PFKP: variants seen among roughly 807,000 people sequenced by gnomAD.
PFKP encodes phosphofructokinase, platelet, also known as ATP-dependent 6-phosphofructokinase, platelet type.
PFKP carries 101 observed loss-of-function variants against 94.3 expected under a neutral mutation model. The ratio of observed to expected loss-of-function variants is 1.07; its 90% confidence interval spans 0.91 to 1.26. PFKP has a LOEUF of 1.26. Among genes scored for constraint, PFKP ranks in the 50% most tolerant of loss-of-function variants. The pLI, the probability that PFKP is intolerant of heterozygous loss-of-function variation, is 0.00. For missense variants in PFKP, 1,145 were observed against 1,103.3 expected (o/e 1.04, Z -0.53); for synonymous variants, 573 against 432.6 (o/e 1.32, Z -4.03).
chr10:3,101,495 C>A lies in PFKP; in HGVS notation c.395C>A (p.Thr132Asn). The A allele has an allele frequency of 6.3e-7, 1 of 1,597,536 alleles. No homozygotes were observed. Among genetic ancestry groups the A allele is most frequent in the South Asian group, 1.1e-5 (1 of 88,812 alleles). The change falls in exon 4 of 22, where the codon ACC becomes AAC. Residue 132 changes from threonine to asparagine, a missense_variant. Thr to Asn is a moderately conservative substitution (Grantham distance 65). This residue lies in a region of PFKP where 1,119 missense variants were observed against 1,062.8 expected (regional missense o/e 1.05). Coordinates refer to ENST00000381125, the MANE Select transcript of PFKP (RefSeq NM_002627.5). The stretch of plus-strand genomic sequence containing the variant: ...GTGATCGGCGGGGACGGGAGCCTCA[C>A]CGGGGCCAACCTCTTCCGGAAGGAG... ...LCVIGGDGSL[T>N]GANLFRKEWS...
chr10:3,108,039 A>C (rs998817394), intron 8 of PFKP: 9 of 1,282,186 alleles, frequency 7.0e-6, no homozygotes, highest in Admixed American at 6.9e-5. Context: ...CTGGATATGA[A>C]AACAGTGATG....
At chr10:3,092,722 CCTTCATT>C (rs1834142509) in intron 2 of PFKP, among the ~76,000 whole-genome samples, 1 of 152,136 alleles carries the variant, frequency 6.6e-6, no homozygotes. Flanking sequence ...TGATAGAAAC[CCTTCATT>C]CTTCATTAGC....
At chr10:3,102,105 G>A (rs983590235) in intron 4 of PFKP, among the ~76,000 whole-genome samples, 1 of 150,612 alleles carries the variant, frequency 6.6e-6, no homozygotes, top group East Asian at 2.0e-4. Context: ...CAAAAAATTA[G>A]CCGGGCGTAG....
At chr10:3,135,241 C>T (rs955008145) in intron 20 of PFKP, among the ~76,000 whole-genome samples, 1 of 151,818 alleles carries the variant, frequency 6.6e-6, no homozygotes, top group East Asian at 1.9e-4. Context: ...TGCTTTTATT[C>T]CGGCAAACCA....
chr10:3,130,190 T>C (rs144391204), intron 17 of PFKP, among the ~76,000 whole-genome samples: 2,198 of 151,786 alleles, frequency 0.014, 50 homozygotes, highest in African/African-American at 0.048. Flanking sequence ...GAGGACACCT[T>C]CTAGTCTCAT....
rs1023995293 is a variant in PFKP, at chr10:3,100,833, T to A, written c.265-532T>A. ...GAATTTAAGATCCTGAAGATATAGCTCTTTAAAAGGGGCAGCGAGTATGTG... is the reference window on the plus strand; with the variant it reads ...GAATTTAAGATCCTGAAGATATAGCACTTTAAAAGGGGCAGCGAGTATGTG... On this transcript the variant is annotated intron_variant, in intron 3 of 21. Transcript: ENST00000381125. 13 of 674,648 alleles carry A rather than the reference T, an allele frequency of 1.9e-5. No individual in the cohort carries two copies. In the Admixed American group the frequency reaches 2.6e-4, roughly 13 times the overall value. 41.8% of individuals were successfully genotyped at this position (674,648 alleles called of 1,614,324 possible). A position where few individuals can be genotyped will look rare whatever the true frequency, so the allele number is the denominator to read the frequency against.
At chr10:3,086,805 G>C (rs1833641715) in intron 2 of PFKP, among the ~76,000 whole-genome samples, 1 of 152,126 alleles carries the variant, frequency 6.6e-6, no homozygotes, top group Non-Finnish European at 1.5e-5. Flanking sequence ...CGATTGTCGG[G>C]TGTCTGATTT....
chr10:3,069,302 A>T, intron 1 of PFKP: 1 of 1,533,200 alleles, frequency 6.5e-7, no homozygotes, highest in Non-Finnish European at 8.8e-7. Flanking sequence ...AGAAAACGTG[A>T]TGCAGCAGAG....
intron 16 of PFKP, among the ~76,000 whole-genome samples, chr10:3,124,215 G>A (rs1837705519): frequency 6.6e-6 from 1 of 152,226 alleles, no homozygotes; most frequent in Non-Finnish European, 1.5e-5. Context: ...TGCAGCAGAT[G>A]TGGGGATATT....
intron 16 of PFKP, chr10:3,129,069 T>C (rs1485176434): frequency 1.3e-5 from 2 of 152,150 alleles, no homozygotes; most frequent in African/African-American, 2.4e-5. Flanking sequence ...GATTGGAGGG[T>C]CCCGGGGTGG....
At position 3,103,900 on chromosome 10, in the gene PFKP, C is replaced by CA; in HGVS notation, c.577dup (p.Arg193LysfsTer81). 6.2e-7 allele frequency: 1 copy of CA among 1,613,944 alleles called. No homozygotes were observed. Among genetic ancestry groups the CA allele is most frequent in the South Asian group, 1.1e-5 (1 of 91,080 alleles). ...CCATCGGCACGGACTCCGCCCTGCA[C>CA]AGGATCATCGAGGTCGTCGACGCCA... On this transcript the variant is annotated frameshift_variant, in exon 5 of 22. Transcript: ENST00000381125. LOFTEE classifies it high-confidence loss of function.
intron 16 of PFKP, among the ~76,000 whole-genome samples, chr10:3,121,260 T>A (rs11251728): frequency 6.6e-6 from 1 of 152,062 alleles, no homozygotes; most frequent in African/African-American, 2.4e-5. Context: ...ACGTTGCTTC[T>A]GTTCTCCTGG....
chr10:3,077,259 T>TC (rs1832674311), intron 1 of PFKP, among the ~76,000 whole-genome samples: 1 of 73,380 alleles, frequency 1.4e-5, no homozygotes, highest in Non-Finnish European at 3.0e-5. Flanking sequence ...CTTTTTTTTT[T>TC]TCTTTTTTTT....
intron 18 of PFKP, 39 bp downstream of exon 18, chr10:3,132,480 G>C (rs765475462): frequency 7.2e-7 from 1 of 1,380,340 alleles, no homozygotes; most frequent in Non-Finnish European, 1.0e-6. Flanking sequence ...TACCCTCACC[G>C]CCACACCCTG....
chr10:3,087,992 T>TTC lies in PFKP; in HGVS notation c.186+5532_186+5533insCT, dbSNP rs1564280124. On this transcript the variant is annotated intron_variant, in intron 2 of 21. Coordinates refer to ENST00000381125, the MANE Select transcript of PFKP (RefSeq NM_002627.5). Reference sequence around the variant, plus strand: ...ATCCTGTATCTTTCATTCTTTTTTTTTTTTTTTTTTTTTTACATTATACTT... The same window carrying TTC: ...ATCCTGTATCTTTCATTCTTTTTTTTTCTTTTTTTTTTTTTTACATTATACTT... Among the ~76,000 whole-genome samples the TTC allele has an allele frequency of 2.5e-3, 368 of 149,906 alleles. 3 individuals carry two copies. The highest frequency in any genetic ancestry group is 8.6e-3 in the African/African-American group (349 of 40,752).
At chr10:3,112,836 G>T (rs556965340) in intron 11 of PFKP, among the ~76,000 whole-genome samples, 2 of 152,360 alleles carry the variant, frequency 1.3e-5, no homozygotes, top group East Asian at 3.9e-4. Context: ...CCAAAGTGCT[G>T]GGATTACAGG....
At chr10:3,091,459 T>A (rs1176405221) in intron 2 of PFKP, among the ~76,000 whole-genome samples, 1 of 152,188 alleles carries the variant, frequency 6.6e-6, no homozygotes. Context: ...ATCCTGTTGT[T>A]GAATATTCTT....
chr10:3,124,438 G>A (rs759861956), intron 16 of PFKP, among the ~76,000 whole-genome samples: 6 of 152,176 alleles, frequency 3.9e-5, no homozygotes, highest in Non-Finnish European at 7.3e-5. Context: ...ATACCGGAGC[G>A]CATTTCCCAG....
chr10:3,069,195 C>A, intron 1 of PFKP: 5 of 1,257,778 alleles, frequency 4.0e-6, no homozygotes, highest in Non-Finnish European at 4.0e-6. Context: ...CCCCGCAGCC[C>A]GCCCTGCAGC....
Sources: gnomAD v4.1 joint callset for allele counts (sites outside exome capture counted in the v4.1 genomes callset) on GRCh38, gnomAD v4.1.1 for gene constraint, gnomAD v4.1.1 regional missense constraint, MANE v1.5 for transcripts, NCBI Gene and HGNC (gene_info 2026-07-23, HGNC 2026-07-21) for gene names.